The following ZNF407 variants were observed in gnomAD, a reference collection of about 807,000 sequenced individuals.
ZNF407 encodes zinc finger protein 407.
A neutral mutation model predicts 131.2 loss-of-function variants in ZNF407; 17 were observed. That is an observed-to-expected ratio of 0.13 (90% CI 0.09 to 0.19). The LOEUF is 0.19. Among genes scored for constraint, ZNF407 ranks in the 10% least tolerant of loss-of-function variants. The pLI, the probability that ZNF407 is intolerant of heterozygous loss-of-function variation, is 1.00. For synonymous variants in ZNF407, 1,156 were observed against 1,062.0 expected, an observed-to-expected ratio of 1.09 and a Z score of -1.72; for missense variants, 2,681 against 2,830.6, an observed-to-expected ratio of 0.95 and a Z score of 1.20.
Position 74,632,567 on chromosome 18 carries a change from G to A in ZNF407, c.1548G>A (p.Leu516=). ...CTCCGGACTCCGGGCTGCATTCCCT[G>A]ACAGTGAAGCCAGCTTCTGGCTCTC... ...ARPPDSGLHS[L]TVKPASGSQT... The change falls in exon 2 of 9, where the codon CTG becomes CTA. Residue 516 remains leucine, a synonymous_variant. Transcript: ENST00000299687. 6.2e-7 allele frequency: 1 copy of A among 1,614,032 alleles called. No homozygotes were observed. Among genetic ancestry groups the A allele is most frequent in the Non-Finnish European group, 8.5e-7 (1 of 1,179,908 alleles).
At position 74,727,042 on chromosome 18, in the gene ZNF407, T is replaced by A. The variant is rs190760693; in HGVS notation, c.4803-54386T>A. Among the ~76,000 whole-genome samples, 299 of 152,352 alleles carry A rather than the reference T, an allele frequency of 2.0e-3. 1 individual carries two copies. Among genetic ancestry groups the A allele is most frequent in the South Asian group, 0.014 (68 of 4,828 alleles). ...TAAATCATTCATCAACAATTAAGAT[T>A]AATTTACTCAGTTCAGCTCTACAAA... On this transcript the variant is annotated intron_variant, in intron 3 of 8. Coordinates refer to ENST00000299687, the MANE Select transcript of ZNF407 (RefSeq NM_017757.3).
intron 3 of ZNF407, among the ~76,000 whole-genome samples, chr18:74,748,428 C>A (rs983727651): frequency 2.0e-5 from 3 of 152,002 alleles, no homozygotes; most frequent in Admixed American, 1.3e-4. Context: ...ACCAAAATTA[C>A]ACATTACAGG....
chr18:74,854,864 C>A (rs938067294), intron 4 of ZNF407, among the ~76,000 whole-genome samples: 6 of 151,910 alleles, frequency 3.9e-5, no homozygotes, highest in African/African-American at 1.5e-4. Context: ...TTTCATTTCC[C>A]CAGAGCTGAC....
intron 7 of ZNF407, among the ~76,000 whole-genome samples, chr18:74,916,651 T>C (rs112805836): frequency 0.053 from 6,199 of 116,016 alleles, 401 homozygotes; most frequent in East Asian, 0.085. Context: ...TGTGTGTGTG[T>C]GCATGTGTGT....
rs769957010 is a variant in ZNF407, at chr18:74,633,199, G to A, written c.2180G>A (p.Arg727Gln). ...GTTCTCACGAGACATATAAAGCTTCGGCATGGTCAAGACTATCATTTTCTT... is the reference window on the plus strand; with the variant it reads ...GTTCTCACGAGACATATAAAGCTTCAGCATGGTCAAGACTATCATTTTCTT... ...STVLTRHIKL[R>Q]HGQDYHFLCK... The change falls in exon 2 of 9, where the codon CGG (arginine) becomes CAG (glutamine). Residue 727 changes from arginine to glutamine, a missense_variant. Arg to Gln is a conservative substitution (Grantham distance 43). Transcript: ENST00000299687. 5.0e-6 allele frequency: 8 copies of A among 1,613,452 alleles called. No homozygotes were observed. The highest frequency in any genetic ancestry group is 4.4e-5 in the South Asian group (4 of 91,002).
intron 4 of ZNF407, among the ~76,000 whole-genome samples, chr18:74,802,085 A>G (rs550306354): frequency 2.6e-4 from 40 of 152,362 alleles, no homozygotes; most frequent in African/African-American, 8.4e-4. Context: ...TTTCACTGAA[A>G]GTCACTGTTA....
chr18:75,019,602 TC>T (rs921002991), intron 8 of ZNF407, among the ~76,000 whole-genome samples: 1 of 152,120 alleles, frequency 6.6e-6, no homozygotes, highest in African/African-American at 2.4e-5. Context: ...GTCCAGAATA[TC>T]CCCGCTGTAA....
chr18:74,976,256 T>C (rs1171215516), intron 8 of ZNF407, among the ~76,000 whole-genome samples: 1 of 152,194 alleles, frequency 6.6e-6, no homozygotes, highest in African/African-American at 2.4e-5. Flanking sequence ...ATTAGTAGAG[T>C]AGTTTACGTG....
At chr18:74,612,675 C>T (rs924690629) in intron 1 of ZNF407, among the ~76,000 whole-genome samples, 4 of 152,120 alleles carry the variant, frequency 2.6e-5, no homozygotes, top group African/African-American at 4.8e-5. Flanking sequence ...CGTGACATAC[C>T]GAGTTTATAT....
chr18:75,005,154 T>C (rs1008020632), intron 8 of ZNF407, among the ~76,000 whole-genome samples: 1 of 152,184 alleles, frequency 6.6e-6, no homozygotes, highest in Non-Finnish European at 1.5e-5. Context: ...GACTGCTTGA[T>C]GGATGGAGCT....
chr18:75,037,586 A>G (rs1187558853), intron 8 of ZNF407, among the ~76,000 whole-genome samples: 1 of 152,190 alleles, frequency 6.6e-6, no homozygotes, highest in African/African-American at 2.4e-5. Flanking sequence ...AGAGTTCCAC[A>G]GAGCTAATGA....
chr18:74,719,038 C>T (rs2144864830), intron 3 of ZNF407, among the ~76,000 whole-genome samples: 1 of 151,788 alleles, frequency 6.6e-6, no homozygotes, highest in Middle Eastern at 3.4e-3. Flanking sequence ...TGACTTGTTG[C>T]CTTTATTGTA....
chr18:74,804,248 TG>T, intron 4 of ZNF407: 2 of 1,227,818 alleles, frequency 1.6e-6, no homozygotes, highest in Non-Finnish European at 2.0e-6. Flanking sequence ...TGGAAGGAAC[TG>T]TTATTTTAAA....
intron 7 of ZNF407, among the ~76,000 whole-genome samples, chr18:74,899,581 A>G (rs1440704875): frequency 1.3e-5 from 2 of 152,240 alleles, no homozygotes; most frequent in African/African-American, 4.8e-5. Context: ...GTATAGTTCC[A>G]TACTAATCTA....
At chr18:74,796,277 A>G (rs1969918231) in intron 4 of ZNF407, among the ~76,000 whole-genome samples, 1 of 152,120 alleles carries the variant, frequency 6.6e-6, no homozygotes, top group Non-Finnish European at 1.5e-5. Flanking sequence ...TTTGTGTTTT[A>G]TATCTTCAGT....
intron 8 of ZNF407, among the ~76,000 whole-genome samples, chr18:74,986,606 T>G (rs1972655257): frequency 6.6e-6 from 1 of 152,196 alleles, no homozygotes; most frequent in African/African-American, 2.4e-5. Context: ...AAGCTTTTAT[T>G]TAACAACTAC....
chr18:74,950,226 C>T (rs368715549), intron 8 of ZNF407, among the ~76,000 whole-genome samples: 1 of 152,174 alleles, frequency 6.6e-6, no homozygotes, highest in Non-Finnish European at 1.5e-5. Flanking sequence ...TGCCTGCTGC[C>T]GATCCAAACG....
At chr18:74,882,589 C>G (rs559391063) in intron 6 of ZNF407, among the ~76,000 whole-genome samples, 1 of 152,216 alleles carries the variant, frequency 6.6e-6, no homozygotes, top group South Asian at 2.1e-4. Context: ...GAATATGATT[C>G]AGATTTTCAT....
intron 3 of ZNF407, among the ~76,000 whole-genome samples, chr18:74,692,939 GT>G (rs1967262951): frequency 6.6e-6 from 1 of 152,182 alleles, no homozygotes; most frequent in South Asian, 2.1e-4. Context: ...CTTTGTGCCT[GT>G]TTCTGCATCC....
Sources: gnomAD v4.1 joint callset for allele counts (sites outside exome capture counted in the v4.1 genomes callset) on GRCh38, gnomAD v4.1.1 for gene constraint, MANE v1.5 for transcripts, NCBI Gene and HGNC (gene_info 2026-07-23, HGNC 2026-07-21) for gene names.